Variants in CABYR observed in about 807,000 individuals in gnomAD.
CABYR encodes calcium-binding tyrosine phosphorylation-regulated protein.
CABYR carries 31 observed loss-of-function variants against 36.1 expected under a neutral mutation model. The ratio of observed to expected loss-of-function variants is 0.86; its 90% CI spans 0.64 to 1.16. The LOEUF (loss-of-function observed/expected upper bound fraction) is 1.16. Ranked by LOEUF, CABYR falls within the 50% of genes most tolerant of loss-of-function variation. The pLI is 0.00. For synonymous variants in CABYR, 146 were observed against 160.7 expected, an observed-to-expected ratio of 0.91 and a Z score of 0.69; for missense variants, 429 against 455.8, an observed-to-expected ratio of 0.94 and a Z score of 0.53.
rs759974056 is a variant in CABYR, at chr18:24,156,089, G to A, written c.541+47G>A. On this transcript the variant is annotated intron_variant, in intron 4 of 5. Transcript: ENST00000399496. ...CTGATCAATCTGATGTGTTAATGGT[G>A]GATGTGGCAACCAGTATGCCTGTTG... 1.3e-5 allele frequency: 21 copies of A among 1,614,182 alleles called. No homozygotes were observed. In the East Asian group the frequency reaches 4.7e-4, roughly 36 times the overall value.
intron 3 of CABYR, among the ~76,000 whole-genome samples, chr18:24,151,463 T>C (rs532453883): frequency 1.3e-5 from 2 of 152,330 alleles, no homozygotes; most frequent in Admixed American, 6.5e-5. Flanking sequence ...AATTCTGTCT[T>C]ATACAACCGA....
rs1392510898 is a variant in CABYR, at chr18:24,155,715, G to A, written c.214G>A (p.Glu72Lys). 2.5e-6 allele frequency: 4 copies of A among 1,598,414 alleles called. No homozygotes were observed. The highest frequency in any genetic ancestry group is 3.4e-6 in the Non-Finnish European group (4 of 1,173,550). ...FHQIKVEKWS[E>K]GTTPQKKLEC... is the part of the protein sequence containing the mutation. ...TTGTTTTTCAGTAGAGAAATGGTCAGAAGGAACGACACCACAGAAGAAATT... is the reference window on the plus strand; with the variant it reads ...TTGTTTTTCAGTAGAGAAATGGTCAAAAGGAACGACACCACAGAAGAAATT... Residue 72 changes from glutamate to lysine, a missense_variant, in exon 4 of 6, where the codon GAA (glutamate) becomes AAA (lysine). Glu to Lys is a moderately conservative substitution (Grantham distance 56). Transcript: ENST00000399496.
intron 3 of CABYR, among the ~76,000 whole-genome samples, chr18:24,151,505 TGTAA>T (rs1376740608): frequency 1.3e-5 from 2 of 152,222 alleles, no homozygotes; most frequent in African/African-American, 2.4e-5. Context: ...CAGCGACTGT[TGTAA>T]GTATTTAAAG....
chr18:24,158,840 T>G (rs1374667755), intron 4 of CABYR, among the ~76,000 whole-genome samples: 1 of 152,112 alleles, frequency 6.6e-6, no homozygotes, highest in Admixed American at 6.5e-5. Flanking sequence ...AACCTCTTTT[T>G]CTCAACCCAA....
chr18:24,157,569 G>T (rs1304429527), intron 4 of CABYR, among the ~76,000 whole-genome samples: 1 of 152,184 alleles, frequency 6.6e-6, no homozygotes, highest in African/African-American at 2.4e-5. Flanking sequence ...GCTAGATGGA[G>T]AGGGGAAAGG....
intron 4 of CABYR, chr18:24,156,379 T>TATCA: frequency 1.9e-6 from 3 of 1,614,254 alleles, no homozygotes; most frequent in Non-Finnish European, 2.5e-6. Context: ...ACTGTTCATA[T>TATCA]ATCATCTGTC....
chr18:24,150,426 T>A (rs1414133295), intron 3 of CABYR: 1 of 195,176 alleles, frequency 5.1e-6, no homozygotes, highest in African/African-American at 2.4e-5. Context: ...AAAGCCACTG[T>A]ACCCCATACA....
chr18:24,156,379 TATC>T (rs2085786603), intron 4 of CABYR: 2 of 1,614,254 alleles, frequency 1.2e-6, no homozygotes, highest in Admixed American at 1.7e-5. Context: ...ACTGTTCATA[TATC>T]ATCTGTCTAT....
Sources: gnomAD v4.1 joint callset for allele counts (sites outside exome capture counted in the v4.1 genomes callset) on GRCh38, gnomAD v4.1.1 for gene constraint, MANE v1.5 for transcripts, NCBI Gene and HGNC (gene_info 2026-07-23, HGNC 2026-07-21) for gene names.